Variants in PANK1 observed in about 807,000 individuals in gnomAD.
The protein encoded by PANK1 is pantothenic acid kinase 1.
Under a neutral mutation model 40.1 loss-of-function variants are expected in PANK1, and 18 were observed. That is an observed-to-expected ratio of 0.45 (90% confidence interval 0.31 to 0.67). PANK1 has a LOEUF of 0.67. Among genes scored for constraint, PANK1 ranks in the 30% least tolerant of loss-of-function variants. PANK1 has a pLI of 0.06. For synonymous variants in PANK1, 242 were observed against 237.7 expected, an observed-to-expected ratio of 1.02 and a Z score of -0.17; for missense variants, 457 against 599.6, an observed-to-expected ratio of 0.76 and a Z score of 2.48.
At chr10:89,585,455 G>C (rs975407837) in intron 6 of PANK1, among the ~76,000 whole-genome samples, 5 of 152,168 alleles carry the variant, frequency 3.3e-5, no homozygotes, top group Non-Finnish European at 1.5e-5. Flanking sequence ...TATAACTGCA[G>C]CAGTAGGTGT....
At chr10:89,634,124 A>G (rs943043763) in intron 1 of PANK1, among the ~76,000 whole-genome samples, 7 of 152,234 alleles carry the variant, frequency 4.6e-5, no homozygotes, top group Admixed American at 2.0e-4. Flanking sequence ...TAGTATAAGG[A>G]AGAACATCTA....
chr10:89,627,107 T>G (rs1353941769), intron 1 of PANK1, among the ~76,000 whole-genome samples: 2 of 152,154 alleles, frequency 1.3e-5, no homozygotes, highest in Non-Finnish European at 2.9e-5. Context: ...GTATGCCAAC[T>G]GCTCACATGG....
intron 1 of PANK1, among the ~76,000 whole-genome samples, chr10:89,644,120 T>C (rs570392669): frequency 6.6e-6 from 1 of 152,096 alleles, no homozygotes; most frequent in Non-Finnish European, 1.5e-5. Context: ...CGCTCTCCAA[T>C]AGACCCGAGA....
chr10:89,599,999 T>A (rs1243996246), intron 2 of PANK1, among the ~76,000 whole-genome samples: 3 of 151,914 alleles, frequency 2.0e-5, no homozygotes, highest in Non-Finnish European at 4.4e-5. Flanking sequence ...GAGACTGGAG[T>A]GCTGCTCAAC....
intron 1 of PANK1, among the ~76,000 whole-genome samples, chr10:89,620,288 C>G (rs137945815): frequency 3.9e-5 from 6 of 152,260 alleles, no homozygotes; most frequent in Admixed American, 3.3e-4. Context: ...CTGGGCAGAA[C>G]AGAGTCATAT....
At chr10:89,622,062 TG>T (rs1845503153) in intron 1 of PANK1, among the ~76,000 whole-genome samples, 1 of 152,260 alleles carries the variant, frequency 6.6e-6, no homozygotes, top group Admixed American at 6.5e-5. Flanking sequence ...ACTAAAGTTC[TG>T]TCTAGTTCTC....
chr10:89,596,064 G>T (rs1844593178), intron 3 of PANK1, among the ~76,000 whole-genome samples: 1 of 151,378 alleles, frequency 6.6e-6, no homozygotes, highest in Non-Finnish European at 1.5e-5. Flanking sequence ...TACAAACTTT[G>T]GATTTCCTCT....
rs774193406 is a variant in PANK1 at position 89,593,161 on chromosome 10, G to A, written c.1200+36C>T. ...CACTGCCAAGATGATGTATATGAAT[G>A]ACACACAGCTTTCACCGGGTTGAGT... On this transcript the variant is annotated intron_variant, in intron 5 of 6. Transcript: ENST00000307534. The A allele has an allele frequency of 3.7e-6, 6 of 1,605,960 alleles. No individual in the cohort carries two copies. The East Asian group carries it at 1.3e-4, about 36-fold the overall frequency.
At chr10:89,615,101 G>A (rs1033051549) in intron 1 of PANK1, among the ~76,000 whole-genome samples, 1 of 152,158 alleles carries the variant, frequency 6.6e-6, no homozygotes, top group African/African-American at 2.4e-5. Flanking sequence ...AGAGATCCAG[G>A]AAAAGGGATG....
At chr10:89,632,218 A>C (rs1347878696) in intron 1 of PANK1, among the ~76,000 whole-genome samples, 1 of 152,218 alleles carries the variant, frequency 6.6e-6, no homozygotes, top group African/African-American at 2.4e-5. Flanking sequence ...ACTCAGGACA[A>C]TAAGAGGACA....
intron 1 of PANK1, among the ~76,000 whole-genome samples, chr10:89,637,148 G>A (rs545178486): frequency 1.8e-3 from 274 of 152,030 alleles, no homozygotes; most frequent in Non-Finnish European, 2.8e-3. Context: ...GTCAGCCACC[G>A]CACCCGGCCC....
rs34655029 is a variant in PANK1 at position 89,640,392 on chromosome 10, TAC to T, written c.292+4206_292+4207del. On this transcript the variant is annotated intron_variant, in intron 1 of 6. Transcript: ENST00000307534. ...CTCAAATGTACTCTCAAGGAGAGAA[TAC>T]ACACACACACACACACACACAAACA... Among the ~76,000 whole-genome samples, 454 of 149,940 alleles carry T rather than the reference TAC, an allele frequency of 3.0e-3. 2 individuals carry two copies. Among genetic ancestry groups the T allele is most frequent in the African/African-American group, 9.2e-3 (376 of 40,814 alleles).
intron 3 of PANK1, among the ~76,000 whole-genome samples, chr10:89,595,433 A>C (rs1464617728): frequency 6.6e-6 from 1 of 152,240 alleles, no homozygotes; most frequent in African/African-American, 2.4e-5. Context: ...CCTGGGCGAC[A>C]GACACAGCGA....
rs1842080426 is a variant in PANK1 at position 89,645,162 on chromosome 10, C to T, written c.-271G>A. On this transcript the variant is annotated 5_prime_UTR_variant, in exon 1 of 7. Transcript: ENST00000307534. The stretch of plus-strand genomic sequence containing the variant: ...CGGAATCGGGGATCCCCGCGCACCC[C>T]CAGCCGGGGCTCCCGCCGCCCGCCT... 2 of 1,544,400 alleles carry T rather than the reference C, an allele frequency of 1.3e-6. No individual in the cohort carries two copies. Among genetic ancestry groups the T allele is most frequent in the South Asian group, 1.2e-5 (1 of 84,360 alleles).
chr10:89,626,992 C>A lies in PANK1; in HGVS notation c.293-14944G>T, dbSNP rs184798535. Among the ~76,000 whole-genome samples, 3 of 152,100 alleles carry A rather than the reference C, an allele frequency of 2.0e-5. No homozygotes were observed. The South Asian group carries it at 6.2e-4, about 32-fold the overall frequency. ...AGCATTGCTGGGTGACATAACCAGG[C>A]GGAACAACAGGTCTACCAGAAATGG... On this transcript the variant is annotated intron_variant, in intron 1 of 6. Coordinates refer to ENST00000307534, the MANE Select transcript of PANK1 (RefSeq NM_148977.3).
intron 5 of PANK1, among the ~76,000 whole-genome samples, chr10:89,592,144 C>CAGT (rs1385291093): frequency 2.6e-5 from 4 of 152,214 alleles, no homozygotes; most frequent in Non-Finnish European, 5.9e-5. Flanking sequence ...ATCAGCCTCC[C>CAGT]ATTTAAACTC....
downstream of PANK1, chr10:89,581,227 C>A (rs756093892): frequency 2.0e-5 from 3 of 152,162 alleles, no homozygotes; most frequent in Non-Finnish European, 2.9e-5. Flanking sequence ...CTTCCTGGCA[C>A]AGAGTAACTT....
chr10:89,603,744 AG>A (rs1342989898), intron 2 of PANK1, among the ~76,000 whole-genome samples: 4 of 152,186 alleles, frequency 2.6e-5, no homozygotes, highest in Non-Finnish European at 5.9e-5. Context: ...AATCACCTGG[AG>A]GGTTGGTTAA....
chr10:89,629,308 G>A (rs1374797991), intron 1 of PANK1, among the ~76,000 whole-genome samples: 2 of 152,148 alleles, frequency 1.3e-5, no homozygotes, highest in Non-Finnish European at 2.9e-5. Context: ...GTAGTTAGAA[G>A]TGACAGGCAT....
Sources: allele counts gnomAD v4.1 joint callset (sites outside exome capture counted in the v4.1 genomes callset), GRCh38; gene constraint gnomAD v4.1.1; transcripts MANE v1.5; gene names NCBI Gene and HGNC (gene_info 2026-07-23, HGNC 2026-07-21).